DENND1C: variants seen among roughly 807,000 people sequenced by gnomAD.
The protein encoded by DENND1C is DENN domain-containing protein 1C.
A neutral mutation model predicts 87.9 loss-of-function variants in DENND1C; 64 were observed. That is an observed-to-expected ratio of 0.73 (90% confidence interval 0.60 to 0.90). The LOEUF is 0.90. Ranked by LOEUF, DENND1C falls within the 40% of genes least tolerant of loss-of-function variation. DENND1C has a pLI of 0.00. For missense variants in DENND1C, 980 were observed against 1,037.0 expected, an observed-to-expected ratio of 0.95 and a Z score of 0.76; for synonymous variants, 384 against 424.4, an observed-to-expected ratio of 0.90 and a Z score of 1.17.
At position 6,477,606 on chromosome 19, in the gene DENND1C, T is replaced by TTAATAATAATAATAATAATAATAA. The variant is rs59685749; in HGVS notation, c.367-172_367-149dup. The TTAATAATAATAATAATAATAATAA allele has an allele frequency of 1.5e-3, 271 of 183,492 alleles. 2 individuals carry two copies. Among genetic ancestry groups the TTAATAATAATAATAATAATAATAA allele is most frequent in the Admixed American group, 2.4e-3 (36 of 15,106 alleles). The allele number at this position is 183,492 out of a possible 1,614,324, so 11.4% of individuals were successfully genotyped here. A position where few individuals can be genotyped will look rare whatever the true frequency, so the allele number is the denominator to read the frequency against. ...TTTTTTTTTCTTTCTTTAAAAGAAATTAATAATAATAATAATAATAATAAT... is the reference window on the plus strand; with the variant it reads ...TTTTTTTTTCTTTCTTTAAAAGAAATTAATAATAATAATAATAATAATAATAATAATAATAATAATAATAATAAT... On this transcript the variant is annotated intron_variant, in intron 6 of 22. Transcript: ENST00000381480.
rs752029531 is a variant in DENND1C at position 6,475,822 on chromosome 19, G to C, written c.779+15C>G. 30 of 1,520,746 alleles carry C rather than the reference G, an allele frequency of 2.0e-5. No individual in the cohort carries two copies. The Admixed American group carries it at 5.4e-4, about 27-fold the overall frequency. 94.2% of individuals were successfully genotyped at this position (1,520,746 alleles called of 1,614,324 possible). A position where few individuals can be genotyped will look rare whatever the true frequency, so the allele number is the denominator to read the frequency against. ...CTGCCCACAGGCCCTGCCCCTCCCA[G>C]CTGCCCTCGCTCACCAGCAGTAGTC... On this transcript the variant is annotated intron_variant, in intron 11 of 22. Transcript: ENST00000381480.
At chr19:6,479,580 C>G in intron 4 of DENND1C, 89 bp downstream of exon 4, 1 of 1,550,530 alleles carries the variant, frequency 6.4e-7, no homozygotes, top group Non-Finnish European at 8.9e-7. Flanking sequence ...GTATGGGTTT[C>G]CAGATGTCTG....
chr19:6,467,557 G>C lies in DENND1C; in HGVS notation c.2353C>G (p.Gln785Glu). ...ATPTSNCQKSQPSSRPRVADL... is the reference protein window; with the variant it reads ...ATPTSNCQKSEPSSRPRVADL... ...GCGACTCTGGGCCGGCTGCTGGGCT[G>C]GGACTTTTGACAGTTGCTGGTGGGT... The change falls in exon 23 of 23, where the codon CAG becomes GAG. Residue 785 changes from glutamine to glutamate, a missense_variant. Transcript: ENST00000381480. 6.2e-7 allele frequency: 1 copy of C among 1,608,142 alleles called. No individual in the cohort carries two copies. Among genetic ancestry groups the C allele is most frequent in the South Asian group, 1.1e-5 (1 of 90,370 alleles).
chr19:6,476,555 G>A (rs2092861759), intron 10 of DENND1C: 1 of 305,100 alleles, frequency 3.3e-6, no homozygotes, highest in South Asian at 6.1e-5. Flanking sequence ...GGATTCCCAC[G>A]TGTATAAGTC....
chr19:6,469,033 T>A, intron 19 of DENND1C, 80 bp from the exon 20 acceptor site: 2 of 558,294 alleles, frequency 3.6e-6, no homozygotes, highest in Non-Finnish European at 4.8e-6. Context: ...TAGTTAGTCT[T>A]TTTTTTTTTT....
intron 4 of DENND1C, among the ~76,000 whole-genome samples, chr19:6,479,363 TC>T (rs1337966007): frequency 7.0e-6 from 1 of 143,180 alleles, no homozygotes; most frequent in African/African-American, 2.9e-5. Flanking sequence ...TCCCTGAGTT[TC>T]TGAGTCTCTG....
Position 6,477,207 on chromosome 19 carries a change from G to T in DENND1C, c.513+11C>A, listed in dbSNP as rs1417762264. The stretch of plus-strand genomic sequence containing the variant: ...ACCCCCGACCTTCCAGGGTCCCCGA[G>T]CCCCGCTCACCGGCTTGCTATTCCC... On this transcript the variant is annotated intron_variant, in intron 8 of 22. Transcript: ENST00000381480. The T allele has an allele frequency of 6.3e-7, 1 of 1,588,930 alleles. No homozygotes were observed. Among genetic ancestry groups the T allele is most frequent in the Non-Finnish European group, 8.6e-7 (1 of 1,168,174 alleles).
chr19:6,470,081 C>T (rs748752234), intron 18 of DENND1C: 33 of 462,058 alleles, frequency 7.1e-5, no homozygotes, highest in South Asian at 2.4e-4. Context: ...CGGAGGGGGG[C>T]GGGTAGGATT....
At chr19:6,471,612 C>A (rs2092830048) in intron 15 of DENND1C, 116 bp from the exon 16 acceptor site, 1 of 883,444 alleles carries the variant, frequency 1.1e-6, no homozygotes, top group Non-Finnish European at 1.6e-6. Flanking sequence ...CCTGCCCACC[C>A]CCAAGCACCT....
Position 6,470,620 on chromosome 19 carries a change from G to T in DENND1C, c.1291-254C>A, listed in dbSNP as rs75918769. ...GAGTCTCAAAGAACAGTTTTTTTTT[G>T]TTTTTTTTTTTTTTTTGCTGAGATG... On this transcript the variant is annotated intron_variant, in intron 17 of 22. Transcript: ENST00000381480. Among the ~76,000 whole-genome samples the T allele has an allele frequency of 8.3e-3, 952 of 114,458 alleles. 12 individuals carry two copies. The highest frequency in any genetic ancestry group is 0.014 in the South Asian group (49 of 3,450). 75.1% of individuals were successfully genotyped at this position (114,458 alleles called of 152,430 possible).
At position 6,481,525 on chromosome 19, in the gene DENND1C, A is replaced by G; in HGVS notation, c.17+154T>C. On this transcript the variant is annotated intron_variant, in intron 1 of 22. Coordinates refer to ENST00000381480, the MANE Select transcript of DENND1C (RefSeq NM_024898.4). ...AGTGGCCTGTCCCAGAGTGAAGGTC[A>G]TAGCGGAGGCCCATGGAGTATCTGA... 6 of 1,051,830 alleles carry G rather than the reference A, an allele frequency of 5.7e-6. 1 individual carries two copies. In the South Asian group the frequency reaches 9.5e-5, roughly 17 times the overall value. 65.2% of individuals were successfully genotyped at this position (1,051,830 alleles called of 1,614,324 possible).
Position 6,475,465 on chromosome 19 carries a change from T to G in DENND1C, c.927+19A>C. The G allele has an allele frequency of 6.2e-7, 1 of 1,613,560 alleles. No homozygotes were observed. The highest frequency in any genetic ancestry group is 1.1e-5 in the South Asian group (1 of 91,068). Reference sequence around the variant, plus strand: ...CCCCTCGCCTCCCGGGGCAGGAAGGTGGGAGGGGCGACACTGACCACGTCT... The same window carrying G: ...CCCCTCGCCTCCCGGGGCAGGAAGGGGGGAGGGGCGACACTGACCACGTCT... On this transcript the variant is annotated intron_variant, in intron 13 of 22. Transcript: ENST00000381480.
intron 19 of DENND1C, 115 bp from the exon 20 acceptor site, chr19:6,469,068 G>A: frequency 1.6e-6 from 1 of 611,108 alleles, no homozygotes; most frequent in Non-Finnish European, 2.4e-6. Context: ...CTTCACTCAT[G>A]TTGCCCAGGC....
chr19:6,477,255 T>C lies in DENND1C; in HGVS notation c.476A>G (p.Gln159Arg). ...LGSGVTVSSG[Q>R]GIPPPTRGNS... ...CCCCCGGGTAGGGGGGGGGATACCCTGCCCGCTGGAGACCGTCACTCCGCT... is the reference window on the plus strand; with the variant it reads ...CCCCCGGGTAGGGGGGGGGATACCCCGCCCGCTGGAGACCGTCACTCCGCT... Residue 159 changes from glutamine to arginine, a missense_variant, in exon 8 of 23, where the codon CAG (glutamine) becomes CGG (arginine). Gln to Arg is a conservative substitution (Grantham distance 43). Coordinates refer to ENST00000381480, the MANE Select transcript of DENND1C (RefSeq NM_024898.4). 1 of 1,584,422 alleles carries C rather than the reference T, an allele frequency of 6.3e-7. No individual in the cohort carries two copies. The highest frequency in any genetic ancestry group is 8.6e-7 in the Non-Finnish European group (1 of 1,163,194).
rs752627586 is a variant in DENND1C at position 6,467,754 on chromosome 19, A to G, written c.2156T>C (p.Leu719Pro). ...ATCAAAGTTGGGCTTTGTGGGGGCCAGAATTTGGGGGCTTTCTGGAGGGCT... is the reference window on the plus strand; with the variant it reads ...ATCAAAGTTGGGCTTTGTGGGGGCCGGAATTTGGGGGCTTTCTGGAGGGCT... Reference protein sequence around the residue: ...EPSPPESPQILAPTKPNFDIA... With the variant: ...EPSPPESPQIPAPTKPNFDIA... The change falls in exon 23 of 23, where the codon CTG becomes CCG. Residue 719 changes from leucine (L) to proline (P), a missense_variant. By Grantham distance (98) the Leu-to-Pro change is moderately conservative. Coordinates refer to ENST00000381480, the MANE Select transcript of DENND1C (RefSeq NM_024898.4). 6.6e-7 allele frequency: 1 copy of G among 1,520,930 alleles called. No homozygotes were observed. The highest frequency in any genetic ancestry group is 8.8e-7 in the Non-Finnish European group (1 of 1,137,240). The allele number at this position is 1,520,930 out of a possible 1,614,324, so 94.2% of individuals were successfully genotyped here.
chr19:6,475,675 G>T lies in DENND1C; in HGVS notation c.825+31C>A, dbSNP rs532716636. 2.9e-5 allele frequency: 46 copies of T among 1,607,266 alleles called. No homozygotes were observed. The East Asian group carries it at 9.6e-4, about 34-fold the overall frequency. On this transcript the variant is annotated intron_variant, in intron 12 of 22. Transcript: ENST00000381480. ...ATGTAGAGGAAGGGGGAACCCTCACGTCCCCGTCGTCTGGGTAGATCCACG... is the reference window on the plus strand; with the variant it reads ...ATGTAGAGGAAGGGGGAACCCTCACTTCCCCGTCGTCTGGGTAGATCCACG...
At chr19:6,473,523 T>C (rs2145192266) in intron 14 of DENND1C, among the ~76,000 whole-genome samples, 1 of 146,892 alleles carries the variant, frequency 6.8e-6, no homozygotes, top group South Asian at 2.2e-4. Flanking sequence ...CGTGCTGGAG[T>C]GCAGTGGTGT....
chr19:6,476,803 C>A, intron 10 of DENND1C, 54 bp downstream of exon 10: 1 of 1,552,900 alleles, frequency 6.4e-7, no homozygotes, highest in South Asian at 1.2e-5. Context: ...TGTCCCGCCC[C>A]CCGGGGCGGA....
chr19:6,478,927 T>C lies in DENND1C; in HGVS notation c.296+10A>G, dbSNP rs1235494226. On this transcript the variant is annotated intron_variant, in intron 5 of 22. Coordinates refer to ENST00000381480, the MANE Select transcript of DENND1C (RefSeq NM_024898.4). ...TTCCCATCCCCCCCTCCAACCCCCA[T>C]ATCCCGCACCTGAGGATGCAGAGAC... The C allele has an allele frequency of 6.2e-7, 1 of 1,602,888 alleles. No homozygotes were observed. Among genetic ancestry groups the C allele is most frequent in the South Asian group, 1.1e-5 (1 of 90,912 alleles).
Sources: allele counts gnomAD v4.1 joint callset (sites outside exome capture counted in the v4.1 genomes callset), GRCh38; gene constraint gnomAD v4.1.1; transcripts MANE v1.5; gene names NCBI Gene and HGNC (gene_info 2026-07-23, HGNC 2026-07-21).